Variants in EPB41L4A observed in about 807,000 individuals in gnomAD.
The protein encoded by EPB41L4A is band 4.1-like protein 4A.
Under a neutral mutation model 108.6 loss-of-function variants are expected in EPB41L4A, and 100 were observed. The ratio of observed to expected loss-of-function variants is 0.92; its 90% CI spans 0.78 to 1.09. The LOEUF (loss-of-function observed/expected upper bound fraction) is 1.09. Among genes scored for constraint, EPB41L4A ranks in the 50% least tolerant of loss-of-function variants. EPB41L4A has a pLI of 0.00. For synonymous variants in EPB41L4A, 319 were observed against 289.0 expected (o/e 1.10, Z -1.05); for missense variants, 1,030 against 842.7 (o/e 1.22, Z -2.75).
chr5:112,326,346 A>G (rs941524873), intron 1 of EPB41L4A, among the ~76,000 whole-genome samples: 7 of 152,150 alleles, frequency 4.6e-5, no homozygotes, highest in Non-Finnish European at 1.0e-4. Flanking sequence ...CCTACACACA[A>G]CCACAACACA....
At chr5:112,336,664 G>T (rs1247988626) in intron 1 of EPB41L4A, among the ~76,000 whole-genome samples, 1 of 152,212 alleles carries the variant, frequency 6.6e-6, no homozygotes, top group Non-Finnish European at 1.5e-5. Flanking sequence ...CAGGGTGTGA[G>T]AGGCAAAAGT....
At chr5:112,189,869 G>C (rs886209822) in intron 17 of EPB41L4A, among the ~76,000 whole-genome samples, 1 of 152,136 alleles carries the variant, frequency 6.6e-6, no homozygotes, top group Non-Finnish European at 1.5e-5. Context: ...CCTTTTCCTT[G>C]AATGTCAAGG....
chr5:112,305,912 G>A (rs1754651979), intron 2 of EPB41L4A, among the ~76,000 whole-genome samples: 1 of 152,042 alleles, frequency 6.6e-6, no homozygotes, highest in African/African-American at 2.4e-5. Flanking sequence ...GTAAAAGTAA[G>A]AGGAAAAAAA....
intron 1 of EPB41L4A, among the ~76,000 whole-genome samples, chr5:112,395,875 G>T (rs1363985039): frequency 3.9e-5 from 6 of 152,168 alleles, no homozygotes; most frequent in Non-Finnish European, 7.4e-5. Flanking sequence ...ACTGGATTAA[G>T]AAAATGTGGC....
At chr5:112,234,787 T>C (rs754036726) in intron 11 of EPB41L4A, 32 bp from the exon 12 acceptor site, 1 of 1,594,794 alleles carries the variant, frequency 6.3e-7, no homozygotes, top group South Asian at 1.1e-5. Context: ...TTAGCAAAGG[T>C]AAAACCACAC....
intron 1 of EPB41L4A, among the ~76,000 whole-genome samples, chr5:112,321,880 T>C (rs538859977): frequency 6.6e-6 from 1 of 152,312 alleles, no homozygotes; most frequent in East Asian, 1.9e-4. Context: ...ACACTGTTTA[T>C]AACTCAGCCT....
At chr5:112,184,256 C>A in intron 17 of EPB41L4A, 121 bp from the exon 18 acceptor site, 1 of 1,139,006 alleles carries the variant, frequency 8.8e-7, no homozygotes, top group Non-Finnish European at 1.2e-6. Context: ...TCATTTATAG[C>A]TAAAGATGCA....
At chr5:112,208,236 C>A (rs1163574957) in intron 13 of EPB41L4A, among the ~76,000 whole-genome samples, 2 of 107,520 alleles carry the variant, frequency 1.9e-5, no homozygotes, top group African/African-American at 7.4e-5. Context: ...CAGAGGGAGA[C>A]TCCATCTCAA....
chr5:112,335,125 C>T (rs1480897662), intron 1 of EPB41L4A, among the ~76,000 whole-genome samples: 1 of 152,154 alleles, frequency 6.6e-6, no homozygotes, highest in African/African-American at 2.4e-5. Context: ...GAGCCCTGGA[C>T]ACAGGATGTC....
chr5:112,238,960 C>T (rs35938930), intron 11 of EPB41L4A, among the ~76,000 whole-genome samples: 8,993 of 152,268 alleles, frequency 0.059, 322 homozygotes, highest in Middle Eastern at 0.075. Context: ...GCTTTTTCCA[C>T]AACAGGCTAA....
intron 18 of EPB41L4A, among the ~76,000 whole-genome samples, chr5:112,178,124 T>C (rs971245507): frequency 1.3e-5 from 2 of 151,316 alleles, no homozygotes; most frequent in African/African-American, 4.9e-5. Flanking sequence ...AGGCTTAAAG[T>C]AACAGATTAA....
At chr5:112,367,354 G>A (rs988515546) in intron 1 of EPB41L4A, among the ~76,000 whole-genome samples, 1 of 152,156 alleles carries the variant, frequency 6.6e-6, no homozygotes, top group Non-Finnish European at 1.5e-5. Flanking sequence ...CTTAAGAGCC[G>A]ATGCAACCTC....
intron 18 of EPB41L4A, among the ~76,000 whole-genome samples, chr5:112,173,129 G>T (rs1378406782): frequency 6.6e-6 from 1 of 152,212 alleles, no homozygotes; most frequent in African/African-American, 2.4e-5. Context: ...CCAAGTTTTT[G>T]TAAAGATCCA....
chr5:112,360,859 T>C (rs1758688931), intron 1 of EPB41L4A, among the ~76,000 whole-genome samples: 1 of 151,262 alleles, frequency 6.6e-6, no homozygotes, highest in Non-Finnish European at 1.5e-5. Context: ...CCGTCTGGGA[T>C]GTGAGGAGCG....
At chr5:112,234,516 A>C in intron 12 of EPB41L4A, 118 bp downstream of exon 12, 2 of 928,488 alleles carry the variant, frequency 2.2e-6, no homozygotes, top group South Asian at 3.7e-5. Context: ...GAAAATTTTA[A>C]TATTGGAAAT....
chr5:112,307,161 GCAAAGACGAC>G (rs1754742300), intron 2 of EPB41L4A, among the ~76,000 whole-genome samples: 1 of 152,134 alleles, frequency 6.6e-6, no homozygotes, highest in African/African-American at 2.4e-5. Context: ...TATGCCATCT[GCAAAGACGAC>G]TACACATGTA....
intron 4 of EPB41L4A, 56 bp from the exon 5 acceptor site, chr5:112,266,386 G>C: frequency 8.2e-7 from 1 of 1,216,926 alleles, no homozygotes; most frequent in South Asian, 1.5e-5. Flanking sequence ...CAAACCTGAG[G>C]TTTCGGACCC....
At chr5:112,284,368 G>T (rs763835273) in intron 2 of EPB41L4A, among the ~76,000 whole-genome samples, 13 of 152,100 alleles carry the variant, frequency 8.5e-5, no homozygotes, top group Non-Finnish European at 1.8e-4. Flanking sequence ...TTCACACTGG[G>T]TCCAATGTTG....
intron 1 of EPB41L4A, among the ~76,000 whole-genome samples, chr5:112,409,599 C>T (rs1224283068): frequency 1.3e-5 from 2 of 152,132 alleles, no homozygotes; most frequent in Non-Finnish European, 1.5e-5. Context: ...TTCTCTTTCT[C>T]AGATTATGTC....
Sources: gnomAD v4.1 joint callset for allele counts (sites outside exome capture counted in the v4.1 genomes callset) on GRCh38, gnomAD v4.1.1 for gene constraint, MANE v1.5 for transcripts, NCBI Gene and HGNC (gene_info 2026-07-23, HGNC 2026-07-21) for gene names.